RALYL: variants seen among roughly 807,000 people sequenced by gnomAD.
RALYL encodes RALY RNA binding protein like.
RALYL carries 29 observed loss-of-function variants against 35.1 expected under a neutral mutation model. That is an observed-to-expected ratio of 0.83 (90% CI 0.61 to 1.13). The LOEUF is 1.13. RALYL is among the 50% of genes most tolerant of loss of function. The pLI is 0.00. For synonymous variants in RALYL, 120 were observed against 127.6 expected (o/e 0.94, Z 0.40); for missense variants, 359 against 360.4 (o/e 1.00, Z 0.03).
chr8:84,679,564 A>G (rs1834933698), intron 2 of RALYL: 1 of 420,122 alleles, frequency 2.4e-6, no homozygotes, highest in African/African-American at 2.1e-5. Flanking sequence ...AGCTCTTCCC[A>G]ATGGCCAGAA....
chr8:84,419,918 G>C (rs1321720444), intron 1 of RALYL, among the ~76,000 whole-genome samples: 1 of 151,240 alleles, frequency 6.6e-6, no homozygotes, highest in Non-Finnish European at 1.5e-5. Flanking sequence ...TTGTATATGT[G>C]CCACATTTTC....
intron 1 of RALYL, among the ~76,000 whole-genome samples, chr8:84,202,004 T>C (rs1348422260): frequency 6.6e-6 from 1 of 152,212 alleles, no homozygotes; most frequent in African/African-American, 2.4e-5. Context: ...TTTTAATGGT[T>C]ATACAGCATT....
chr8:84,617,818 G>C (rs1437634684), intron 2 of RALYL, among the ~76,000 whole-genome samples: 1 of 151,594 alleles, frequency 6.6e-6, no homozygotes, highest in Non-Finnish European at 1.5e-5. Flanking sequence ...GTTGAATTTT[G>C]TCAAAGGCCT....
intron 1 of RALYL, among the ~76,000 whole-genome samples, chr8:84,470,156 G>C (rs913570381): frequency 6.6e-6 from 1 of 152,090 alleles, no homozygotes; most frequent in Non-Finnish European, 1.5e-5. Flanking sequence ...GGCCATCTTG[G>C]CTCCTCCCTC....
At chr8:84,299,909 CT>C (rs1340259210) in intron 1 of RALYL, among the ~76,000 whole-genome samples, 4 of 151,944 alleles carry the variant, frequency 2.6e-5, no homozygotes. Flanking sequence ...AAAGAACCAA[CT>C]TCTGGTTTCA....
chr8:84,221,422 A>G (rs1420764428), intron 1 of RALYL, among the ~76,000 whole-genome samples: 1 of 152,040 alleles, frequency 6.6e-6, no homozygotes, highest in Non-Finnish European at 1.5e-5. Flanking sequence ...CTTTGATACG[A>G]AGTCAGCATA....
intron 1 of RALYL, among the ~76,000 whole-genome samples, chr8:84,226,871 T>C (rs776638650): frequency 1.1e-4 from 16 of 152,064 alleles, no homozygotes; most frequent in Non-Finnish European, 1.9e-4. Context: ...GTGGATCACA[T>C]TGCAATATGT....
intron 1 of RALYL, among the ~76,000 whole-genome samples, chr8:84,482,316 C>A (rs754226645): frequency 6.6e-6 from 1 of 151,944 alleles, no homozygotes; most frequent in Non-Finnish European, 1.5e-5. Flanking sequence ...TATGTTTAAT[C>A]CTGATCTTTA....
At chr8:84,300,319 AGTT>A (rs548860191) in intron 1 of RALYL, among the ~76,000 whole-genome samples, 86 of 151,464 alleles carry the variant, frequency 5.7e-4, no homozygotes, top group Non-Finnish European at 1.1e-3. Context: ...GTATGATTTC[AGTT>A]GTTTTTTTTT....
chr8:84,511,707 T>C (rs1294972494), intron 1 of RALYL, among the ~76,000 whole-genome samples: 1 of 152,114 alleles, frequency 6.6e-6, no homozygotes, highest in Non-Finnish European at 1.5e-5. Flanking sequence ...CCTCTCCCCA[T>C]ACCCACATAT....
intron 4 of RALYL, among the ~76,000 whole-genome samples, chr8:84,838,804 C>A (rs187640221): frequency 1.3e-5 from 2 of 152,132 alleles, no homozygotes; most frequent in Non-Finnish European, 2.9e-5. Flanking sequence ...TTTAAATTAT[C>A]GAAGTATTTA....
intron 2 of RALYL, among the ~76,000 whole-genome samples, chr8:84,619,290 A>C (rs950402054): frequency 6.6e-6 from 1 of 151,740 alleles, no homozygotes; most frequent in African/African-American, 2.4e-5. Context: ...TGTTGGGTGC[A>C]TATATATTTA....
At chr8:84,681,392 T>C (rs201204910) in intron 2 of RALYL, among the ~76,000 whole-genome samples, 8 of 152,130 alleles carry the variant, frequency 5.3e-5, no homozygotes, top group East Asian at 1.9e-4. Flanking sequence ...TGAAGAAAGT[T>C]ATTGGTAGCT....
chr8:84,592,165 G>GT (rs1813450116), intron 2 of RALYL, among the ~76,000 whole-genome samples: 2 of 152,026 alleles, frequency 1.3e-5, no homozygotes, highest in Non-Finnish European at 2.9e-5. Context: ...TTTCCAAAAG[G>GT]CCAGGTCCTC....
chr8:84,798,682 C>T (rs1441607828), intron 3 of RALYL, among the ~76,000 whole-genome samples: 3 of 152,202 alleles, frequency 2.0e-5, no homozygotes, highest in Non-Finnish European at 4.4e-5. Flanking sequence ...TAAGTAGTAT[C>T]ACTGCCTGGA....
At chr8:84,867,887 T>G (rs1839460807) in intron 6 of RALYL, among the ~76,000 whole-genome samples, 1 of 152,142 alleles carries the variant, frequency 6.6e-6, no homozygotes, top group South Asian at 2.1e-4. Context: ...ATAGACATGA[T>G]CTTTCATTTT....
chr8:84,858,815 T>C (rs1180124352), intron 5 of RALYL, among the ~76,000 whole-genome samples: 3 of 152,200 alleles, frequency 2.0e-5, no homozygotes, highest in Admixed American at 2.0e-4. Flanking sequence ...TCTATCCTTG[T>C]CTTGTTATGT....
intron 2 of RALYL, among the ~76,000 whole-genome samples, chr8:84,604,087 T>G (rs971754806): frequency 2.0e-5 from 3 of 152,144 alleles, no homozygotes; most frequent in African/African-American, 7.2e-5. Flanking sequence ...CTCACAGTTT[T>G]ATCTTACCAA....
intron 3 of RALYL, among the ~76,000 whole-genome samples, chr8:84,799,390 T>C (rs968212049): frequency 6.6e-6 from 1 of 152,212 alleles, no homozygotes. Flanking sequence ...GAAATTTAAT[T>C]CTGTTAGTAG....
Sources: allele counts gnomAD v4.1 joint callset (sites outside exome capture counted in the v4.1 genomes callset), GRCh38; gene constraint gnomAD v4.1.1; transcripts MANE v1.5; gene names NCBI Gene and HGNC (gene_info 2026-07-23, HGNC 2026-07-21).